The following SNX13 variants were observed in gnomAD, a reference collection of about 807,000 sequenced individuals.
The protein encoded by SNX13 is sorting nexin 13, also known as sorting nexin-13.
Under a neutral mutation model 133.6 loss-of-function variants are expected in SNX13, and 45 were observed. The ratio of observed to expected loss-of-function variants is 0.34; its 90% CI spans 0.27 to 0.43. The LOEUF (loss-of-function observed/expected upper bound fraction) is 0.43, where lower values mean the gene tolerates loss of function less well. SNX13 is among the 20% of genes least tolerant of loss of function. The pLI is 1.00. For synonymous variants in SNX13, 414 were observed against 373.9 expected, an observed-to-expected ratio of 1.11 and a Z score of -1.24; for missense variants, 1,032 against 1,145.1, an observed-to-expected ratio of 0.90 and a Z score of 1.43.
chr7:17,926,526 G>A (rs1215286089), intron 1 of SNX13, among the ~76,000 whole-genome samples: 2 of 152,024 alleles, frequency 1.3e-5, no homozygotes, highest in African/African-American at 2.4e-5. Flanking sequence ...AAAAATACAT[G>A]CACCATATGC....
chr7:17,866,965 G>A (rs1443097995), intron 9 of SNX13, among the ~76,000 whole-genome samples: 2 of 152,098 alleles, frequency 1.3e-5, no homozygotes, highest in African/African-American at 2.4e-5. Context: ...AATATCACAT[G>A]TACTCCATAA....
chr7:17,832,029 C>G (rs1788549166), intron 15 of SNX13: 1 of 983,516 alleles, frequency 1.0e-6, no homozygotes, highest in Non-Finnish European at 1.2e-6. Context: ...AATTAGGAAA[C>G]AAAATATTAG....
intron 1 of SNX13, among the ~76,000 whole-genome samples, chr7:17,902,563 G>A (rs1797950765): frequency 6.6e-6 from 1 of 151,928 alleles, no homozygotes; most frequent in African/African-American, 2.4e-5. Context: ...AAAAATAATT[G>A]GGTTCTAATT....
chr7:17,802,456 T>A (rs1463810013), intron 21 of SNX13, among the ~76,000 whole-genome samples: 1 of 152,126 alleles, frequency 6.6e-6, no homozygotes, highest in Non-Finnish European at 1.5e-5. Flanking sequence ...CTGAAAATCA[T>A]TTGTCAGCAC....
At chr7:17,839,237 G>A (rs1009621869) in intron 13 of SNX13, among the ~76,000 whole-genome samples, 1 of 149,178 alleles carries the variant, frequency 6.7e-6, no homozygotes, top group Non-Finnish European at 1.5e-5. Flanking sequence ...TAGAATTATA[G>A]TATAGTATAT....
chr7:17,890,524 G>C, intron 4 of SNX13, 40 bp from the exon 5 acceptor site: 1 of 1,485,204 alleles, frequency 6.7e-7, no homozygotes, highest in Non-Finnish European at 9.1e-7. Flanking sequence ...CAACATTTTA[G>C]GATTTAAAAA....
At chr7:17,817,518 T>C (rs1786794294) in intron 18 of SNX13, among the ~76,000 whole-genome samples, 1 of 152,204 alleles carries the variant, frequency 6.6e-6, no homozygotes, top group South Asian at 2.1e-4. Flanking sequence ...AAGATTCTGA[T>C]ACATTAAAAG....
intron 9 of SNX13, among the ~76,000 whole-genome samples, chr7:17,852,245 G>A (rs764060378): frequency 9.2e-5 from 14 of 152,228 alleles, no homozygotes; most frequent in Non-Finnish European, 2.1e-4. Context: ...ATGGTGGCAG[G>A]TGCCTGTAAT....
rs1347993217 is a variant in SNX13 at position 17,792,226 on chromosome 7, G to A, written c.*1819C>T. On this transcript the variant is annotated 3_prime_UTR_variant, in exon 26 of 26. Coordinates refer to ENST00000428135, the MANE Select transcript of SNX13 (RefSeq NM_015132.5). ...GATGCTTCCTACAGACATGTTTCAT[G>A]TTTCAAACATTTTCACTTTTAAAGC... The A allele has an allele frequency of 6.6e-6, 1 of 151,960 alleles. No homozygotes were observed. The highest frequency in any genetic ancestry group is 1.5e-5 in the Non-Finnish European group (1 of 67,904). 9.4% of individuals were successfully genotyped at this position (151,960 alleles called of 1,614,324 possible). A position where few individuals can be genotyped will look rare whatever the true frequency, so the allele number is the denominator to read the frequency against.
intron 12 of SNX13, among the ~76,000 whole-genome samples, chr7:17,844,233 G>A (rs138242821): frequency 1.6e-3 from 244 of 152,036 alleles, no homozygotes; most frequent in African/African-American, 5.5e-3. Flanking sequence ...TGAAAGTGGG[G>A]ATATTACTAA....
At chr7:17,895,819 G>T (rs1797144711) in intron 2 of SNX13, among the ~76,000 whole-genome samples, 1 of 152,106 alleles carries the variant, frequency 6.6e-6, no homozygotes, top group Non-Finnish European at 1.5e-5. Context: ...TGGAGCAGTT[G>T]AGTAAAAAAA....
intron 5 of SNX13, among the ~76,000 whole-genome samples, chr7:17,876,897 A>G (rs1357020088): frequency 6.6e-6 from 1 of 151,738 alleles, no homozygotes; most frequent in Non-Finnish European, 1.5e-5. Context: ...CCAGGAACAT[A>G]CCAAGTAGAT....
rs146618569 is a variant in SNX13, at chr7:17,834,300, A to G, written c.1465-116T>C. On this transcript the variant is annotated intron_variant, in intron 14 of 25. Coordinates refer to ENST00000428135, the MANE Select transcript of SNX13 (RefSeq NM_015132.5). ...CTTGCCATAATGTATCATAGTTACA[A>G]GCTGTCAGCAATAAGACTATTTCAC... 36 of 860,136 alleles carry G rather than the reference A, an allele frequency of 4.2e-5. No individual in the cohort carries two copies. In the African/African-American group the frequency reaches 4.7e-4, roughly 11 times the overall value. 53.3% of individuals were successfully genotyped at this position (860,136 alleles called of 1,614,324 possible).
intron 1 of SNX13, among the ~76,000 whole-genome samples, chr7:17,931,355 C>G (rs55747743): frequency 0.5 from 75,639 of 151,476 alleles, 20,027 homozygotes; most frequent in Non-Finnish European, 0.6. Flanking sequence ...ACATTATTTC[C>G]TAATATTTAT....
intron 18 of SNX13, 136 bp from the exon 19 acceptor site, chr7:17,816,425 G>T (rs1430367711): frequency 9.5e-7 from 1 of 1,050,158 alleles, no homozygotes; most frequent in African/African-American, 1.6e-5. Flanking sequence ...ACTTTGGGAG[G>T]CTGAGGCAGG....
chr7:17,843,680 C>A (rs1790163673), intron 12 of SNX13, among the ~76,000 whole-genome samples: 1 of 151,992 alleles, frequency 6.6e-6, no homozygotes, highest in Non-Finnish European at 1.5e-5. Context: ...CAAATTGAGT[C>A]TCATAAAGTT....
At chr7:17,908,246 A>C (rs1480674437) in intron 1 of SNX13, among the ~76,000 whole-genome samples, 1 of 152,120 alleles carries the variant, frequency 6.6e-6, no homozygotes, top group East Asian at 1.9e-4. Context: ...TATCTTTTGA[A>C]ACCTTCCCTT....
chr7:17,929,813 TC>T (rs2128045973), intron 1 of SNX13, among the ~76,000 whole-genome samples: 1 of 152,316 alleles, frequency 6.6e-6, no homozygotes, highest in East Asian at 1.9e-4. Context: ...ACAGGTGTCA[TC>T]CCTTTGTATT....
intron 18 of SNX13, among the ~76,000 whole-genome samples, chr7:17,816,659 G>A (rs908597153): frequency 7.9e-5 from 12 of 151,612 alleles, no homozygotes; most frequent in Admixed American, 5.3e-4. Context: ...GCAAAACTCC[G>A]TCTCAAAAAA....
Sources: gnomAD v4.1 joint callset for allele counts (sites outside exome capture counted in the v4.1 genomes callset) on GRCh38, gnomAD v4.1.1 for gene constraint, MANE v1.5 for transcripts, NCBI Gene and HGNC (gene_info 2026-07-23, HGNC 2026-07-21) for gene names.